Variants in SLMAP observed in about 807,000 individuals in gnomAD.
The protein encoded by SLMAP is sarcolemma associated protein, also known as sarcolemmal membrane-associated protein.
SLMAP carries 44 observed loss-of-function variants against 128.8 expected under a neutral mutation model. That is an observed-to-expected ratio of 0.34 (90% CI 0.27 to 0.44). SLMAP has a LOEUF of 0.44. SLMAP is among the 20% of genes least tolerant of loss of function. SLMAP has a pLI of 1.00. For synonymous variants in SLMAP, 327 were observed against 348.8 expected, an observed-to-expected ratio of 0.94 and a Z score of 0.70; for missense variants, 787 against 985.3, an observed-to-expected ratio of 0.80 and a Z score of 2.69.
At chr3:57,867,106 G>C (rs1037853882) in intron 13 of SLMAP, among the ~76,000 whole-genome samples, 1 of 152,184 alleles carries the variant, frequency 6.6e-6, no homozygotes, top group African/African-American at 2.4e-5. Flanking sequence ...TTGAACCTGG[G>C]AGGCAGAGGT....
chr3:57,906,035 C>G (rs1186902104), intron 17 of SLMAP, among the ~76,000 whole-genome samples: 3 of 133,782 alleles, frequency 2.2e-5, no homozygotes, highest in Non-Finnish European at 4.7e-5. Context: ...TGATGCTTCT[C>G]TTCTAAATAC....
chr3:57,870,680 A>C (rs1007805824), intron 13 of SLMAP, among the ~76,000 whole-genome samples: 1 of 152,192 alleles, frequency 6.6e-6, no homozygotes, highest in African/African-American at 2.4e-5. Context: ...CTGAGGAGTA[A>C]CGTGGCCTGA....
intron 2 of SLMAP, among the ~76,000 whole-genome samples, chr3:57,766,268 A>AG (rs2079709141): frequency 6.8e-6 from 1 of 147,242 alleles, no homozygotes; most frequent in African/African-American, 2.5e-5. Context: ...CGCCTGCCTC[A>AG]GCCTCCCAAA....
At chr3:57,844,868 C>G (rs1035553899) in intron 4 of SLMAP, among the ~76,000 whole-genome samples, 2 of 152,036 alleles carry the variant, frequency 1.3e-5, no homozygotes, top group African/African-American at 4.8e-5. Context: ...GTGCCCTCCA[C>G]TACACCCGGC....
rs749902045 is a variant in SLMAP, at chr3:57,881,498, G to A, written c.1301-8543G>A. On this transcript the variant is annotated intron_variant, in intron 14 of 24. Transcript: ENST00000671191. ...TTTGAGACGGAGTCTTGCTCTGTTC[G>A]CCAGGCTGGAGCGCAGTGGTGCGAT... is the stretch of plus-strand genomic sequence containing the variant. Among the ~76,000 whole-genome samples the A allele has an allele frequency of 4.0e-4, 61 of 152,034 alleles. 1 individual carries two copies. Among genetic ancestry groups the A allele is most frequent in the Non-Finnish European group, 7.9e-4 (54 of 68,008 alleles).
intron 13 of SLMAP, among the ~76,000 whole-genome samples, chr3:57,869,012 ATAT>A (rs1311902431): frequency 5.8e-5 from 8 of 139,106 alleles, no homozygotes; most frequent in East Asian, 4.0e-4. Flanking sequence ...TATATAATAT[ATAT>A]TATATGTGTA....
chr3:57,923,166 T>A, intron 23 of SLMAP, 143 bp downstream of exon 23: 1 of 822,308 alleles, frequency 1.2e-6, no homozygotes, highest in African/African-American at 1.7e-5. Flanking sequence ...CATGATAGAA[T>A]CATTGTGCTG....
chr3:57,861,081 A>C (rs954142111), intron 9 of SLMAP, among the ~76,000 whole-genome samples: 1 of 152,178 alleles, frequency 6.6e-6, no homozygotes, highest in Admixed American at 6.5e-5. Context: ...TATTGTTTGC[A>C]TTCTGCTTAG....
chr3:57,775,644 C>T (rs1301943658), intron 2 of SLMAP, among the ~76,000 whole-genome samples: 2 of 151,300 alleles, frequency 1.3e-5, no homozygotes, highest in African/African-American at 2.4e-5. Context: ...GAGCTATGAT[C>T]GCGCCACTGC....
intron 17 of SLMAP, chr3:57,900,331 T>C (rs2096347368): frequency 6.6e-6 from 1 of 152,232 alleles, no homozygotes; most frequent in Admixed American, 6.5e-5. Flanking sequence ...TTTTCCCTGA[T>C]ATAGTAATCA....
rs910516366 is a variant in SLMAP, at chr3:57,871,505, T to A, written c.1238-131T>A. The stretch of plus-strand genomic sequence containing the variant: ...ACTCCAAAATATGTCTGCTTTAGTA[T>A]CAAAATATATTAAGCCTTTATTAGT... On this transcript the variant is annotated intron_variant, in intron 13 of 24. Transcript: ENST00000671191. 1.1e-5 allele frequency: 7 copies of A among 640,994 alleles called. No individual in the cohort carries two copies. In the African/African-American group the frequency reaches 1.3e-4, roughly 12 times the overall value. The allele number at this position is 640,994 out of a possible 1,614,324, so 39.7% of individuals were successfully genotyped here.
intron 21 of SLMAP, among the ~76,000 whole-genome samples, chr3:57,913,784 C>T (rs1056020848): frequency 2.0e-5 from 3 of 151,856 alleles, no homozygotes; most frequent in Admixed American, 6.6e-5. Flanking sequence ...TGGCAAAACC[C>T]TGTCTCTACA....
chr3:57,859,366 G>T (rs1209291400), intron 8 of SLMAP, among the ~76,000 whole-genome samples: 2 of 151,268 alleles, frequency 1.3e-5, no homozygotes, highest in Admixed American at 6.6e-5. Context: ...ACCAGTATGG[G>T]CAACATGGCA....
chr3:57,885,426 T>G (rs1238071294), intron 14 of SLMAP, among the ~76,000 whole-genome samples: 1 of 147,624 alleles, frequency 6.8e-6, no homozygotes, highest in Non-Finnish European at 1.5e-5. Flanking sequence ...TTTTTGTGTT[T>G]TTTTTTTTTT....
At position 57,864,129 on chromosome 3, in the gene SLMAP, C is replaced by T. The variant is rs532580284; in HGVS notation, c.967-419C>T. Reference sequence around the variant, plus strand: ...ACTGGTTTAGAAATGTCAGGTTAGCCGGGCGCAGTGGCTCATGCCTGTAAT... The same window carrying T: ...ACTGGTTTAGAAATGTCAGGTTAGCTGGGCGCAGTGGCTCATGCCTGTAAT... On this transcript the variant is annotated intron_variant, in intron 10 of 24. Coordinates refer to ENST00000671191, the MANE Select transcript of SLMAP (RefSeq NM_001377540.1). Among the ~76,000 whole-genome samples, 9 of 152,172 alleles carry T rather than the reference C, an allele frequency of 5.9e-5. 1 individual carries two copies. In the South Asian group the frequency reaches 1.5e-3, roughly 25 times the overall value.
intron 17 of SLMAP, 39 bp downstream of exon 17, chr3:57,896,971 A>G (rs759447835): frequency 3.1e-6 from 5 of 1,611,954 alleles, no homozygotes; most frequent in Non-Finnish European, 4.2e-6. Flanking sequence ...AAACCAGGGT[A>G]TCAAATCACC....
At chr3:57,886,731 C>G (rs1236986528) in intron 14 of SLMAP, among the ~76,000 whole-genome samples, 4 of 148,614 alleles carry the variant, frequency 2.7e-5, no homozygotes, top group Non-Finnish European at 1.5e-5. Context: ...AGATAATTCC[C>G]CAGAAGTGAC....
In SLMAP at chr3:57,831,452, G is replaced by A; in HGVS notation, c.268G>A (p.Glu90Lys). ...INSQRLSRGS[E>K]ESPPCEILSG... The stretch of plus-strand genomic sequence containing the variant: ...TAGCCAGAGATTGAGTCGAGGCTCT[G>A]AAGAAAGTCCACCATGTGAAATTCT... Residue 90 changes from glutamate (E) to lysine (K), a missense_variant, in exon 3 of 25, where the codon GAA becomes AAA. Glu to Lys is a moderately conservative substitution (Grantham distance 56). Coordinates refer to ENST00000671191, the MANE Select transcript of SLMAP (RefSeq NM_001377540.1). The A allele has an allele frequency of 6.3e-7, 1 of 1,598,052 alleles. No homozygotes were observed. Among genetic ancestry groups the A allele is most frequent in the Non-Finnish European group, 8.5e-7 (1 of 1,171,212 alleles).
At chr3:57,801,706 T>C (rs1266741956) in intron 2 of SLMAP, among the ~76,000 whole-genome samples, 1 of 152,072 alleles carries the variant, frequency 6.6e-6, no homozygotes, top group Non-Finnish European at 1.5e-5. Flanking sequence ...GTGATCTTTA[T>C]TCATTTTTTA....
Sources: allele counts gnomAD v4.1 joint callset (sites outside exome capture counted in the v4.1 genomes callset), GRCh38; gene constraint gnomAD v4.1.1; transcripts MANE v1.5; gene names NCBI Gene and HGNC (gene_info 2026-07-23, HGNC 2026-07-21).